COL4A5: variants seen among roughly 807,000 people sequenced by gnomAD.
COL4A5 encodes collagen type IV alpha 5 chain.
In COL4A5, 26 loss-of-function variants were observed where a neutral mutation model predicts 130.2. The observed-to-expected ratio is 0.20, with a 90% CI of 0.15 to 0.28. The LOEUF (loss-of-function observed/expected upper bound fraction) is 0.28, where lower values mean the gene tolerates loss of function less well. Among genes scored for constraint, COL4A5 ranks in the 10% least tolerant of loss-of-function variants. The pLI, the probability that COL4A5 is intolerant of heterozygous loss-of-function variation, is 1.00. For synonymous variants in COL4A5, 496 were observed against 439.6 expected (o/e 1.13, Z -1.60); for missense variants, 1,131 against 1,344.3 (o/e 0.84, Z 2.48).
intron 20 of COL4A5, 43 bp from the exon 21 acceptor site, chrX:108,591,518 A>G: frequency 9.7e-7 from 1 of 1,028,805 alleles, no homozygotes; most frequent in African/African-American, 1.8e-5. Flanking sequence ...AATCTTCTGG[A>G]TATTTCACAA....
intron 1 of COL4A5, among the ~76,000 whole-genome samples, chrX:108,507,724 C>T (rs1229718591): frequency 2.7e-5 from 3 of 111,507 alleles, no homozygotes; most frequent in Non-Finnish European, 3.8e-5. Context: ...AGGAGAATGG[C>T]GTGAACCTGG....
At chrX:108,565,848 A>T (rs988617896) in intron 4 of COL4A5, among the ~76,000 whole-genome samples, 1 of 111,907 alleles carries the variant, frequency 8.9e-6, no homozygotes, top group Non-Finnish European at 1.9e-5. Context: ...CTGTACGCTT[A>T]AGATTAGTAT....
chrX:108,526,630 T>C (rs1226652332), intron 1 of COL4A5, among the ~76,000 whole-genome samples: 1 of 66,271 alleles, frequency 1.5e-5, no homozygotes, highest in Non-Finnish European at 2.5e-5. Flanking sequence ...CTTTCTTTCT[T>C]TCTTTCTTTC....
chrX:108,668,619 TA>T (rs1463709625), intron 41 of COL4A5, 115 bp downstream of exon 41: 49 of 537,829 alleles, frequency 9.1e-5, no homozygotes, highest in Non-Finnish European at 1.0e-4. Context: ...TGGAGGATGT[TA>T]AAAAAAAGAC....
chrX:108,618,211 C>A (rs1467691804), intron 30 of COL4A5, among the ~76,000 whole-genome samples: 1 of 110,579 alleles, frequency 9.0e-6, no homozygotes, highest in Admixed American at 9.7e-5. Flanking sequence ...CTGGATCTTA[C>A]CAGGATGTGT....
intron 2 of COL4A5, among the ~76,000 whole-genome samples, chrX:108,540,506 A>G (rs753753613): frequency 1.8e-5 from 2 of 111,143 alleles, no homozygotes; most frequent in South Asian, 7.7e-4. Context: ...GCTGGAGTGC[A>G]GTGTCACAAT....
At chrX:108,461,060 T>A (rs1475926136) in intron 1 of COL4A5, among the ~76,000 whole-genome samples, 1 of 110,572 alleles carries the variant, frequency 9.0e-6, no homozygotes, top group Non-Finnish European at 1.9e-5. Context: ...TACTATATAA[T>A]GGGAAAAAAA....
chrX:108,659,978 G>T (rs1176869651), intron 37 of COL4A5, among the ~76,000 whole-genome samples: 2 of 110,600 alleles, frequency 1.8e-5, no homozygotes, highest in East Asian at 5.7e-4. Context: ...GGGTTCATCA[G>T]ATATGCTGTG....
chrX:108,526,960 G>A lies in COL4A5; in HGVS notation c.82-12786G>A, dbSNP rs1309673638. 6.5e-5 allele frequency among the ~76,000 whole-genome samples: 7 copies of A among 107,282 alleles called. No individual in the cohort carries two copies. In the East Asian group the frequency reaches 1.2e-3, roughly 18 times the overall value. The allele number at this position is 107,282 out of a possible 115,157, so 93.2% of individuals were successfully genotyped here. A position where few individuals can be genotyped will look rare whatever the true frequency, so the allele number is the denominator to read the frequency against. On this transcript the variant is annotated intron_variant, in intron 1 of 52. Transcript: ENST00000328300. ...TGTTTAATTTTTTTTGTAGAGATAG[G>A]GATCTCATCTTGTGTCCCAGGCTGG...
intron 1 of COL4A5, among the ~76,000 whole-genome samples, chrX:108,490,449 C>T (rs1055476402): frequency 6.3e-5 from 7 of 111,622 alleles, no homozygotes; most frequent in Non-Finnish European, 1.3e-4. Flanking sequence ...ATAACCACCC[C>T]CTGACCCCTA....
At chrX:108,643,476 TA>T (rs1286439493) in intron 36 of COL4A5, among the ~76,000 whole-genome samples, 1 of 111,291 alleles carries the variant, frequency 9.0e-6, no homozygotes, top group East Asian at 2.8e-4. Flanking sequence ...AAGCACCAGG[TA>T]ACCTATAAAG....
At chrX:108,683,092 C>T (rs1461568606) in intron 47 of COL4A5, among the ~76,000 whole-genome samples, 13 of 111,404 alleles carry the variant, frequency 1.2e-4, no homozygotes, top group African/African-American at 4.2e-4. Flanking sequence ...GGAAGGGGTC[C>T]AGTTTCAGTT....
At position 108,626,252 on chromosome X, in the gene COL4A5, C is replaced by A. The variant is rs2067151743; in HGVS notation, c.3149C>A (p.Pro1050His). 1 of 1,208,411 alleles carries A rather than the reference C, an allele frequency of 8.3e-7. No individual in the cohort carries two copies. The highest frequency in any genetic ancestry group is 2.2e-5 in the Admixed American group (1 of 45,647). ...GGGCCTCCTGGACCTTCTGGAGTTC[C>A]TGGACAACCTGGCTCCCCAGGATTA... ...VEGPPGPSGV[P>H]GQPGSPGLPG... The change falls in exon 36 of 53, where the codon CCT (proline) becomes CAT (histidine). Residue 1050 changes from proline (P) to histidine (H), a missense_variant. By Grantham distance (77) the Pro-to-His change is moderately conservative. Coordinates refer to ENST00000328300, the MANE Select transcript of COL4A5 (RefSeq NM_033380.3).
intron 9 of COL4A5, among the ~76,000 whole-genome samples, chrX:108,574,287 C>T (rs935727131): frequency 9.0e-6 from 1 of 111,622 alleles, no homozygotes; most frequent in African/African-American, 3.3e-5. Flanking sequence ...TTTTCATTAG[C>T]TACCTTGTCA....
intron 1 of COL4A5, among the ~76,000 whole-genome samples, chrX:108,459,153 AT>A (rs773538873): frequency 0.012 from 1,363 of 109,964 alleles, 13 homozygotes; most frequent in African/African-American, 0.043. Context: ...AATACAACTG[AT>A]TTTTTTTTCT....
chrX:108,536,259 T>C (rs756235397), intron 1 of COL4A5, among the ~76,000 whole-genome samples: 5 of 106,076 alleles, frequency 4.7e-5, no homozygotes, highest in Non-Finnish European at 9.8e-5. Context: ...CATATAGTAG[T>C]TGTGTGTGTG....
chrX:108,503,578 C>G (rs1423263786), intron 1 of COL4A5, among the ~76,000 whole-genome samples: 2 of 111,882 alleles, frequency 1.8e-5, no homozygotes, highest in African/African-American at 6.5e-5. Flanking sequence ...GTTACAAAAT[C>G]AATGTATACA....
chrX:108,636,939 C>CT (rs59497827), intron 36 of COL4A5, among the ~76,000 whole-genome samples: 853 of 76,292 alleles, frequency 0.011, 9 homozygotes, highest in Non-Finnish European at 0.014. Context: ...AATGTAATGT[C>CT]TTTTTTTTTT....
At chrX:108,625,302 C>T (rs769813598) in intron 34 of COL4A5, among the ~76,000 whole-genome samples, 2 of 111,497 alleles carry the variant, frequency 1.8e-5, no homozygotes, top group Non-Finnish European at 3.8e-5. Flanking sequence ...TCTTTCTGAT[C>T]TCATATAATC....
Sources: allele counts gnomAD v4.1 joint callset (sites outside exome capture counted in the v4.1 genomes callset), GRCh38; gene constraint gnomAD v4.1.1; transcripts MANE v1.5; gene names NCBI Gene and HGNC (gene_info 2026-07-23, HGNC 2026-07-21).